Variants in PKIB observed in about 807,000 individuals in gnomAD.
The protein encoded by PKIB is cAMP-dependent protein kinase inhibitor beta.
A neutral mutation model predicts 4.5 loss-of-function variants in PKIB; 2 were observed. The ratio of observed to expected loss-of-function variants is 0.44; its 90% confidence interval spans 0.18 to 1.39. The LOEUF is 1.39. Among genes scored for constraint, PKIB ranks in the 40% most tolerant of loss-of-function variants. The probability of loss-of-function intolerance (pLI) is 0.27; values close to 1 mark genes in which losing one functional copy is unlikely to be tolerated. For synonymous variants in PKIB, 38 were observed against 36.0 expected, an observed-to-expected ratio of 1.06 and a Z score of -0.20; for missense variants, 94 against 92.6, an observed-to-expected ratio of 1.02 and a Z score of -0.06.
intron 3 of PKIB, among the ~76,000 whole-genome samples, chr6:122,591,332 T>C (rs1774016404): frequency 6.6e-6 from 1 of 152,150 alleles, no homozygotes; most frequent in African/African-American, 2.4e-5. Flanking sequence ...TTTTTTTGCA[T>C]TGACATACTG....
chr6:122,705,095 A>G (rs1665864929), intron 3 of PKIB, among the ~76,000 whole-genome samples: 1 of 152,188 alleles, frequency 6.6e-6, no homozygotes. Flanking sequence ...GCTGAAAGCC[A>G]TCTATTTAAT....
chr6:122,628,410 G>C (rs1409132022), intron 1 of PKIB, among the ~76,000 whole-genome samples: 2 of 152,214 alleles, frequency 1.3e-5, no homozygotes, highest in African/African-American at 4.8e-5. Flanking sequence ...GACTTGCTGA[G>C]TTGAATAGCA....
intron 2 of PKIB, among the ~76,000 whole-genome samples, chr6:122,573,164 A>G (rs185059325): frequency 3.5e-3 from 527 of 152,312 alleles, no homozygotes; most frequent in Non-Finnish European, 4.8e-3. Context: ...ACACAAGAGA[A>G]AAAGAAAACT....
chr6:122,689,676 T>C (rs1274074977), intron 3 of PKIB, among the ~76,000 whole-genome samples: 2 of 152,222 alleles, frequency 1.3e-5, no homozygotes, highest in African/African-American at 4.8e-5. Flanking sequence ...GTCTAACATA[T>C]GGTCTATTCT....
intron 2 of PKIB, among the ~76,000 whole-genome samples, chr6:122,651,076 A>T (rs1776534333): frequency 6.6e-6 from 1 of 152,166 alleles, no homozygotes; most frequent in Non-Finnish European, 1.5e-5. Context: ...GGAAGGCCCT[A>T]CACAAGCCAA....
At chr6:122,473,523 T>C (rs1012800483) in intron 1 of PKIB, among the ~76,000 whole-genome samples, 1 of 152,214 alleles carries the variant, frequency 6.6e-6, no homozygotes, top group Admixed American at 6.5e-5. Flanking sequence ...ATTTAACCTG[T>C]AGGCTATGTG....
intron 1 of PKIB, among the ~76,000 whole-genome samples, chr6:122,615,676 C>T (rs907741152): frequency 2.0e-5 from 3 of 152,066 alleles, no homozygotes; most frequent in East Asian, 3.9e-4. Context: ...GGCTCTTAAC[C>T]CAATATGACT....
At position 122,568,236 on chromosome 6, in the gene PKIB, A is replaced by G. The variant is rs545684903; in HGVS notation, c.-247-17685A>G. On this transcript the variant is annotated intron_variant, in intron 2 of 6. Transcript: ENST00000392491. ...TGACAATGTTTACTTGTTTAAAAAG[A>G]TACATTCTGGACAGAATAGTGTGTA... Among the ~76,000 whole-genome samples the G allele has an allele frequency of 8.5e-5, 13 of 152,338 alleles. No homozygotes were observed. In the South Asian group the frequency reaches 2.1e-3, roughly 24 times the overall value.
At chr6:122,561,649 C>A (rs1029536451) in intron 2 of PKIB, among the ~76,000 whole-genome samples, 1 of 151,880 alleles carries the variant, frequency 6.6e-6, no homozygotes, top group African/African-American at 2.4e-5. Context: ...TGGGCAAGGC[C>A]TTTTACCTTT....
chr6:122,594,124 T>C (rs1419440235), intron 3 of PKIB, among the ~76,000 whole-genome samples: 1 of 152,192 alleles, frequency 6.6e-6, no homozygotes, highest in Non-Finnish European at 1.5e-5. Context: ...CAAAAGCTAT[T>C]ACATAAAGTT....
At chr6:122,630,829 A>G (rs1176990201) in intron 1 of PKIB, among the ~76,000 whole-genome samples, 1 of 152,156 alleles carries the variant, frequency 6.6e-6, no homozygotes, top group African/African-American at 2.4e-5. Context: ...GATCTAAAAC[A>G]GTAAAGAGGT....
At chr6:122,549,674 A>G (rs977868029) in intron 2 of PKIB, among the ~76,000 whole-genome samples, 5 of 152,040 alleles carry the variant, frequency 3.3e-5, no homozygotes, top group Non-Finnish European at 7.4e-5. Flanking sequence ...ATATTTGCAC[A>G]TAGTTTATAA....
chr6:122,715,261 A>G (rs1411558086), intron 3 of PKIB, among the ~76,000 whole-genome samples: 1 of 152,092 alleles, frequency 6.6e-6, no homozygotes, highest in African/African-American at 2.4e-5. Flanking sequence ...AAAAACTATT[A>G]TTACATTTAA....
At chr6:122,695,234 A>G (rs911662780) in intron 3 of PKIB, among the ~76,000 whole-genome samples, 3 of 152,178 alleles carry the variant, frequency 2.0e-5, no homozygotes, top group Non-Finnish European at 4.4e-5. Context: ...CAAAACTAAC[A>G]CACCTTAAAA....
intron 1 of PKIB, among the ~76,000 whole-genome samples, chr6:122,611,198 G>T (rs370516000): frequency 6.6e-6 from 1 of 152,216 alleles, no homozygotes; most frequent in Non-Finnish European, 1.5e-5. Flanking sequence ...CCTGTGTTCC[G>T]GTTGGTGCTG....
chr6:122,555,246 A>T (rs1309777497), intron 2 of PKIB, among the ~76,000 whole-genome samples: 1 of 152,224 alleles, frequency 6.6e-6, no homozygotes, highest in East Asian at 1.9e-4. Flanking sequence ...CACGAGAAGC[A>T]GAGGAGCAAA....
At chr6:122,587,785 G>A (rs966231526) in intron 3 of PKIB, among the ~76,000 whole-genome samples, 1 of 152,170 alleles carries the variant, frequency 6.6e-6, no homozygotes, top group Admixed American at 6.5e-5. Context: ...CAGTGATGAT[G>A]AGCATTTTTT....
At chr6:122,690,096 A>C (rs1778265944) in intron 3 of PKIB, among the ~76,000 whole-genome samples, 1 of 151,742 alleles carries the variant, frequency 6.6e-6, no homozygotes, top group Admixed American at 6.6e-5. Context: ...TTCCATTAGC[A>C]TGGAATATCT....
chr6:122,713,078 G>A (rs927884200), intron 3 of PKIB, among the ~76,000 whole-genome samples: 10 of 151,992 alleles, frequency 6.6e-5, no homozygotes, highest in African/African-American at 2.4e-4. Flanking sequence ...GCTGGCATGT[G>A]TGTATATACA....
Sources: allele counts gnomAD v4.1 joint callset (sites outside exome capture counted in the v4.1 genomes callset), GRCh38; gene constraint gnomAD v4.1.1; transcripts MANE v1.5; gene names NCBI Gene and HGNC (gene_info 2026-07-23, HGNC 2026-07-21).